Variants in PPFIA1 observed in about 807,000 individuals in gnomAD.
The protein encoded by PPFIA1 is PPFI scaffold protein A1, also known as liprin-alpha-1.
PPFIA1 carries 25 observed loss-of-function variants against 149.9 expected under a neutral mutation model. The observed-to-expected ratio is 0.17, with a 90% CI of 0.12 to 0.23. The LOEUF is 0.23. PPFIA1 is among the 10% of genes least tolerant of loss of function. PPFIA1 has a pLI of 1.00. For missense variants in PPFIA1, 1,362 were observed against 1,506.5 expected, an observed-to-expected ratio of 0.90 and a Z score of 1.59; for synonymous variants, 549 against 552.8, an observed-to-expected ratio of 0.99 and a Z score of 0.10.
chr11:70,285,358 G>T (rs1255110235), intron 2 of PPFIA1, among the ~76,000 whole-genome samples: 2 of 152,122 alleles, frequency 1.3e-5, no homozygotes, highest in East Asian at 1.9e-4. Context: ...GCCACTTCAA[G>T]TGCATGGGTT....
At chr11:70,339,961 G>A (rs2055214115) in intron 14 of PPFIA1, among the ~76,000 whole-genome samples, 1 of 151,930 alleles carries the variant, frequency 6.6e-6, no homozygotes, top group Admixed American at 6.6e-5. Context: ...GCAGCGAGCT[G>A]AGAAAGCACC....
At chr11:70,376,824 C>T (rs2057510757) in intron 25 of PPFIA1, among the ~76,000 whole-genome samples, 1 of 152,198 alleles carries the variant, frequency 6.6e-6, no homozygotes, top group Non-Finnish European at 1.5e-5. Flanking sequence ...GTAATCCCAG[C>T]ACTTTCGGAG....
chr11:70,335,471 C>A, intron 10 of PPFIA1, 92 bp from the exon 11 acceptor site: 1 of 1,474,176 alleles, frequency 6.8e-7, no homozygotes, highest in Admixed American at 1.8e-5. Context: ...GGGGAGGGCA[C>A]ACATGGGGCT....
chr11:70,370,751 C>T (rs1175662031), intron 21 of PPFIA1, among the ~76,000 whole-genome samples: 1 of 152,062 alleles, frequency 6.6e-6, no homozygotes, highest in East Asian at 1.9e-4. Context: ...CATTGATAAT[C>T]CTTTGTCGTG....
intron 2 of PPFIA1, among the ~76,000 whole-genome samples, chr11:70,286,584 G>A (rs2051141765): frequency 6.6e-6 from 1 of 151,668 alleles, no homozygotes; most frequent in Admixed American, 6.6e-5. Context: ...TATCCTTCTA[G>A]TCTCCAGGAC....
At chr11:70,289,045 G>A (rs778381528) in intron 2 of PPFIA1, among the ~76,000 whole-genome samples, 1 of 147,454 alleles carries the variant, frequency 6.8e-6, no homozygotes, top group African/African-American at 2.5e-5. Flanking sequence ...TCAGCTCACT[G>A]CAAGCTCCGC....
At chr11:70,285,021 A>C (rs2051014241) in intron 2 of PPFIA1, among the ~76,000 whole-genome samples, 1 of 152,038 alleles carries the variant, frequency 6.6e-6, no homozygotes, top group Admixed American at 6.6e-5. Flanking sequence ...GTATTTCTTT[A>C]TTTAAGATGG....
intron 21 of PPFIA1, among the ~76,000 whole-genome samples, chr11:70,367,224 A>G (rs544113911): frequency 1.1e-4 from 17 of 152,318 alleles, no homozygotes; most frequent in African/African-American, 4.1e-4. Flanking sequence ...GTCTAGTGGA[A>G]GCTCGTATCA....
rs779548626 is a variant in PPFIA1 at position 70,354,409 on chromosome 11, G to T, written c.2272G>T (p.Ala758Ser). The change falls in exon 17 of 28, where the codon GCG (alanine) becomes TCG (serine). Residue 758 changes from alanine to serine, a missense_variant. This residue lies in a region of PPFIA1 where 733 missense variants were observed against 744.1 expected (regional missense o/e 0.99). Coordinates refer to ENST00000253925, the MANE Select transcript of PPFIA1 (RefSeq NM_003626.5). ...ALRLDRLHKG[A>S]LHTVSHEDIR... is the part of the protein sequence containing the mutation. The stretch of plus-strand genomic sequence containing the variant: ...TCGGTTAGACCGGCTGCACAAAGGG[G>T]CGCTGCACACCGTCAGCCACGAGGA... 8.7e-6 allele frequency: 14 copies of T among 1,614,014 alleles called. No homozygotes were observed. The highest frequency in any genetic ancestry group is 2.7e-5 in the African/African-American group (2 of 75,008).
intron 2 of PPFIA1, among the ~76,000 whole-genome samples, chr11:70,278,301 G>T (rs1048195258): frequency 6.6e-6 from 1 of 152,088 alleles, no homozygotes; most frequent in African/African-American, 2.4e-5. Flanking sequence ...CTCCCAAACT[G>T]CTGGGATTAC....
chr11:70,333,660 C>T (rs2054804404), intron 10 of PPFIA1, 107 bp downstream of exon 10: 1 of 860,608 alleles, frequency 1.2e-6, no homozygotes, highest in Non-Finnish European at 1.9e-6. Flanking sequence ...TGTTGGTCCT[C>T]CAGCTCAGTT....
intron 16 of PPFIA1, chr11:70,351,110 T>C: frequency 1.4e-6 from 1 of 693,546 alleles, no homozygotes; most frequent in Non-Finnish European, 1.9e-6. Flanking sequence ...TGTAGCATTA[T>C]GTAGTTGTAT....
intron 15 of PPFIA1, among the ~76,000 whole-genome samples, chr11:70,345,733 G>A (rs2055651075): frequency 6.6e-6 from 1 of 152,094 alleles, no homozygotes; most frequent in African/African-American, 2.4e-5. Context: ...AGGCTGAGGC[G>A]GGAGGATCCC....
intron 2 of PPFIA1, chr11:70,283,869 A>G (rs1167669300): frequency 2.2e-6 from 1 of 464,404 alleles, no homozygotes. Context: ...ATGCTCCTAA[A>G]CATTCTGCAG....
In PPFIA1 at chr11:70,312,063, G is replaced by A. The variant is rs182120620; in HGVS notation, c.265-12339G>A. Among the ~76,000 whole-genome samples, 39 of 151,160 alleles carry A rather than the reference G, an allele frequency of 2.6e-4. No individual in the cohort carries two copies. The East Asian group carries it at 6.3e-3, about 24-fold the overall frequency. The stretch of plus-strand genomic sequence containing the variant: ...TTTCACCATGTTGCCCAGGCTGCTC[G>A]AACTCCTGGGCTCAAGTGATCCTGC... On this transcript the variant is annotated intron_variant, in intron 2 of 27. Coordinates refer to ENST00000253925, the MANE Select transcript of PPFIA1 (RefSeq NM_003626.5).
At chr11:70,324,733 G>T in intron 3 of PPFIA1, 114 bp from the exon 4 acceptor site, 1 of 1,079,490 alleles carries the variant, frequency 9.3e-7, no homozygotes, top group African/African-American at 1.6e-5. Context: ...TTTTTCTGCG[G>T]AATTGAAGGG....
chr11:70,296,963 C>T (rs693315), intron 2 of PPFIA1, among the ~76,000 whole-genome samples: 4 of 151,950 alleles, frequency 2.6e-5, no homozygotes, highest in East Asian at 1.9e-4. Flanking sequence ...TAATTCATGA[C>T]GCTCTCAGAA....
chr11:70,286,984 T>TACACAC (rs57213147), intron 2 of PPFIA1, among the ~76,000 whole-genome samples: 47 of 148,102 alleles, frequency 3.2e-4, no homozygotes, highest in African/African-American at 1.1e-3. Flanking sequence ...TATATGCACA[T>TACACAC]ACACACACAC....
chr11:70,335,711 G>T lies in PPFIA1; in HGVS notation c.1428+17G>T. On this transcript the variant is annotated intron_variant, in intron 11 of 27. Coordinates refer to ENST00000253925, the MANE Select transcript of PPFIA1 (RefSeq NM_003626.5). The stretch of plus-strand genomic sequence containing the variant: ...GAAGATAAGGTAAGTTAGATAACAC[G>T]GACATGCTGGAGCTTTCCCACCCTC... The T allele has an allele frequency of 6.2e-7, 1 of 1,612,788 alleles. No homozygotes were observed. Among genetic ancestry groups the T allele is most frequent in the South Asian group, 1.1e-5 (1 of 90,930 alleles).
Sources: gnomAD v4.1 joint callset for allele counts (sites outside exome capture counted in the v4.1 genomes callset) on GRCh38, gnomAD v4.1.1 for gene constraint, gnomAD v4.1.1 regional missense constraint, MANE v1.5 for transcripts, NCBI Gene and HGNC (gene_info 2026-07-23, HGNC 2026-07-21) for gene names.